Variants in SOX5 observed in about 807,000 individuals in gnomAD.
The protein encoded by SOX5 is transcription factor SOX-5.
Under a neutral mutation model 92.0 loss-of-function variants are expected in SOX5, and 9 were observed. The observed-to-expected ratio is 0.10, with a 90% CI of 0.06 to 0.17. The LOEUF (loss-of-function observed/expected upper bound fraction) is 0.17, where lower values mean the gene tolerates loss of function less well. Ranked by LOEUF, SOX5 falls within the 10% of genes least tolerant of loss-of-function variation. SOX5 has a pLI of 1.00. For synonymous variants in SOX5, 344 were observed against 336.3 expected, an observed-to-expected ratio of 1.02 and a Z score of -0.25; for missense variants, 642 against 944.5, an observed-to-expected ratio of 0.68 and a Z score of 4.20.
At chr12:23,536,425 A>G (rs763069487) in intron 14 of SOX5, 28 bp downstream of exon 14, 7 of 1,566,986 alleles carry the variant, frequency 4.5e-6, no homozygotes, top group Middle Eastern at 3.8e-4. Context: ...AGTTTGCCCC[A>G]TGAGAAAAAT....
At chr12:24,405,587 T>C (rs1444270939) in intron 1 of SOX5, among the ~76,000 whole-genome samples, 2 of 152,146 alleles carry the variant, frequency 1.3e-5, no homozygotes, top group South Asian at 2.1e-4. Context: ...ATAAGGTAGT[T>C]AAGGCATGTG....
intron 4 of SOX5, among the ~76,000 whole-genome samples, chr12:24,175,924 G>A (rs1369220372): frequency 6.6e-6 from 1 of 151,896 alleles, no homozygotes; most frequent in Non-Finnish European, 1.5e-5. Context: ...CAGCCAACTG[G>A]GCAATGACTC....
At chr12:24,534,292 G>A (rs942011553) in intron 1 of SOX5, among the ~76,000 whole-genome samples, 1 of 151,278 alleles carries the variant, frequency 6.6e-6, no homozygotes, top group African/African-American at 2.4e-5. Flanking sequence ...ACTATTACAA[G>A]CAAGATCTCA....
At position 23,530,812 on chromosome 12, in the gene SOX5, TGTGTGTGCGC is replaced by T. The variant is rs1463833871; in HGVS notation, c.*3397_*3406del. 3.6e-5 allele frequency: 5 copies of T among 137,358 alleles called. No homozygotes were observed. The highest frequency in any genetic ancestry group is 8.0e-5 in the Non-Finnish European group (5 of 62,156). 8.5% of individuals were successfully genotyped at this position (137,358 alleles called of 1,614,324 possible). A position where few individuals can be genotyped will look rare whatever the true frequency, so the allele number is the denominator to read the frequency against. On this transcript the variant is annotated 3_prime_UTR_variant, in exon 15 of 15. Transcript: ENST00000451604. ...GTGTTGGGGCAAGTGTGTGTGTGTGTGTGTGTGCGCGCGCGCGCGCGCGCATGTGAGAGAG... is the reference window on the plus strand; with the variant it reads ...GTGTTGGGGCAAGTGTGTGTGTGTGTGCGCGCGCGCGCGCATGTGAGAGAG...
intron 1 of SOX5, among the ~76,000 whole-genome samples, chr12:24,379,873 A>ATTATT (rs762985814): frequency 8.6e-5 from 4 of 46,424 alleles, no homozygotes; most frequent in Non-Finnish European, 1.0e-4. Flanking sequence ...CTTCCAGAAG[A>ATTATT]TTCTTTTTTT....
chr12:24,132,319 G>A (rs1043593552), intron 4 of SOX5, among the ~76,000 whole-genome samples: 5 of 152,154 alleles, frequency 3.3e-5, no homozygotes, highest in South Asian at 2.1e-4. Flanking sequence ...CCTGGGAAGA[G>A]CAAAGCTTCC....
chr12:23,865,780 C>A (rs978138195), intron 2 of SOX5, among the ~76,000 whole-genome samples: 18 of 152,164 alleles, frequency 1.2e-4, no homozygotes, highest in Non-Finnish European at 1.0e-4. Context: ...GGAAAGGTTT[C>A]ATCATTATAG....
chr12:23,575,781 A>G lies in SOX5; in HGVS notation c.1222T>C (p.Ser408Pro). 6.2e-7 allele frequency: 1 copy of G among 1,610,364 alleles called. No individual in the cohort carries two copies. Among genetic ancestry groups the G allele is most frequent in the African/African-American group, 1.3e-5 (1 of 74,890 alleles). The change falls in exon 10 of 15, where the codon TCA becomes CCA. Residue 408 changes from serine to proline, a missense_variant. By Grantham distance (74) the Ser-to-Pro change is moderately conservative. Coordinates refer to ENST00000451604, the MANE Select transcript of SOX5 (RefSeq NM_006940.6). Reference protein sequence around the residue: ...SAKPKTSDGKSPTSPTSPHMP... With the variant: ...SAKPKTSDGKPPTSPTSPHMP... ...TGGGGAGAGGTGGGTGATGTGGGTG[A>G]TTTGCCATCAGAGGTCTTGGGTTTA...
intron 4 of SOX5, among the ~76,000 whole-genome samples, chr12:23,968,691 G>A (rs1203119605): frequency 6.6e-6 from 1 of 152,184 alleles, no homozygotes; most frequent in Admixed American, 6.5e-5. Flanking sequence ...TGGATATTCT[G>A]TTACAGCAGC....
intron 4 of SOX5, among the ~76,000 whole-genome samples, chr12:23,985,239 G>A (rs376765775): frequency 2.4e-5 from 2 of 83,804 alleles, no homozygotes; most frequent in Non-Finnish European, 5.3e-5. Flanking sequence ...TTATTTTTTT[G>A]AATTTTATTT....
chr12:24,560,210 T>G (rs1247376156), intron 1 of SOX5, among the ~76,000 whole-genome samples: 1 of 152,188 alleles, frequency 6.6e-6, no homozygotes, highest in African/African-American at 2.4e-5. Flanking sequence ...CAAGCAAGTA[T>G]GCTACTATGT....
chr12:23,746,435 T>C (rs2093987719), intron 4 of SOX5, among the ~76,000 whole-genome samples: 1 of 152,188 alleles, frequency 6.6e-6, no homozygotes, highest in Admixed American at 6.6e-5. Context: ...TTGCTCCATC[T>C]GAGTCAGATA....
At chr12:23,953,206 T>C (rs966810402), upstream of SOX5, among the ~76,000 whole-genome samples, 2 of 152,108 alleles carry the variant, frequency 1.3e-5, no homozygotes, top group African/African-American at 4.8e-5. Flanking sequence ...CAAAATGTTT[T>C]GGTTAAATTT....
In SOX5 at chr12:23,968,509, G is replaced by C. The variant is rs1016531936; in HGVS notation, c.-1-72485C>G. Among the ~76,000 whole-genome samples the C allele has an allele frequency of 2.0e-4, 31 of 152,234 alleles. 1 individual carries two copies. Among genetic ancestry groups the C allele is most frequent in the Admixed American group, 1.8e-3 (28 of 15,286 alleles). ...GGAGTGGGTTTGTTATCACGGGAGTGGGTTTCTTATCAAAGGACAAATCCG... is the reference window on the plus strand; with the variant it reads ...GGAGTGGGTTTGTTATCACGGGAGTCGGTTTCTTATCAAAGGACAAATCCG... On this transcript the variant is annotated intron_variant, in intron 4 of 4. Coordinates refer to the SOX5 transcript ENST00000446891.
chr12:23,602,977 G>C (rs2074703140), intron 9 of SOX5, among the ~76,000 whole-genome samples: 1 of 152,016 alleles, frequency 6.6e-6, no homozygotes, highest in Non-Finnish European at 1.5e-5. Context: ...CTTCAAAGTG[G>C]CATATGTATA....
intron 4 of SOX5, among the ~76,000 whole-genome samples, chr12:24,148,688 T>TAAAAAAAAAAAAAAAAA (rs398018872): frequency 2.8e-5 from 2 of 70,952 alleles, no homozygotes; most frequent in African/African-American, 1.7e-4. Context: ...CCATCTCTAC[T>TAAAAAAAAAAAAAAAAA]AAAAAAAAAA....
chr12:23,824,114 C>T (rs970257259), intron 3 of SOX5, among the ~76,000 whole-genome samples: 2 of 152,200 alleles, frequency 1.3e-5, no homozygotes, highest in African/African-American at 4.8e-5. Flanking sequence ...AAGCCTACTT[C>T]TGTCAATTCA....
At chr12:23,608,544 A>G (rs1287637437) in intron 8 of SOX5, among the ~76,000 whole-genome samples, 4 of 152,144 alleles carry the variant, frequency 2.6e-5, no homozygotes. Context: ...TGTCTCTTCA[A>G]CATTTTAAGC....
chr12:24,341,911 C>T (rs1271787548), intron 2 of SOX5, among the ~76,000 whole-genome samples: 1 of 152,162 alleles, frequency 6.6e-6, no homozygotes, highest in Non-Finnish European at 1.5e-5. Flanking sequence ...TTGGTTGCTC[C>T]AGCACTAAGG....
Sources: allele counts gnomAD v4.1 joint callset (sites outside exome capture counted in the v4.1 genomes callset), GRCh38; gene constraint gnomAD v4.1.1; transcripts MANE v1.5; gene names NCBI Gene and HGNC (gene_info 2026-07-23, HGNC 2026-07-21).